The following KIAA1549L variants were observed in gnomAD, a reference collection of about 807,000 sequenced individuals.
The protein encoded by KIAA1549L is UPF0606 protein KIAA1549L.
In KIAA1549L, 88 loss-of-function variants were observed where a neutral mutation model predicts 160.7. The ratio of observed to expected loss-of-function variants is 0.55; its 90% CI spans 0.46 to 0.65. The LOEUF (loss-of-function observed/expected upper bound fraction) is 0.65. Ranked by LOEUF, KIAA1549L falls within the 30% of genes least tolerant of loss-of-function variation. KIAA1549L has a pLI of 0.00. For synonymous variants in KIAA1549L, 950 were observed against 976.7 expected (o/e 0.97, Z 0.51); for missense variants, 2,258 against 2,437.5 (o/e 0.93, Z 1.55).
intron 1 of KIAA1549L, among the ~76,000 whole-genome samples, chr11:33,395,306 C>A (rs969647662): frequency 1.3e-5 from 2 of 152,190 alleles, no homozygotes; most frequent in African/African-American, 4.8e-5. Flanking sequence ...TAATAGCTAA[C>A]ACTTAATGTT....
intron 20 of KIAA1549L, among the ~76,000 whole-genome samples, chr11:33,664,945 A>G (rs1232230240): frequency 2.6e-5 from 4 of 152,172 alleles, no homozygotes; most frequent in Admixed American, 2.0e-4. Context: ...AAACGGGTAG[A>G]TCAAACGGGA....
At position 33,529,546 on chromosome 11, in the gene KIAA1549L, A is replaced by G. The variant is rs78914936; in HGVS notation, c.239-12256A>G. On this transcript the variant is annotated intron_variant, in intron 1 of 20. Transcript: ENST00000658780. ...ACACATGTTATTATCCTCTTCTTAG[A>G]AAGGAGCAAACAGACACAGAGAGGT... Among the ~76,000 whole-genome samples, 646 of 152,268 alleles carry G rather than the reference A, an allele frequency of 4.2e-3. 9 individuals carry two copies. Among genetic ancestry groups the G allele is most frequent in the African/African-American group, 0.015 (613 of 41,552 alleles).
chr11:33,465,046 C>CTTTT lies in KIAA1549L; in HGVS notation c.239-76732_239-76729dup, dbSNP rs1008261470. ...CATTCAACTCGCATGGGACCTTCTT[C>CTTTT]TTTTTTTTTTTTTTTTTTTTTTTTT... On this transcript the variant is annotated intron_variant, in intron 1 of 20. Transcript: ENST00000658780. 1.4e-3 allele frequency among the ~76,000 whole-genome samples: 111 copies of CTTTT among 79,002 alleles called. 7 individuals are homozygous for CTTTT. Among genetic ancestry groups the CTTTT allele is most frequent in the African/African-American group, 2.3e-3 (45 of 19,330 alleles). 51.8% of individuals were successfully genotyped at this position (79,002 alleles called of 152,430 possible). A position where few individuals can be genotyped will look rare whatever the true frequency, so the allele number is the denominator to read the frequency against.
chr11:33,492,494 T>A (rs1852699574), intron 1 of KIAA1549L, among the ~76,000 whole-genome samples: 1 of 152,058 alleles, frequency 6.6e-6, no homozygotes, highest in Admixed American at 6.6e-5. Flanking sequence ...TATGGCAGGA[T>A]TTAGAGAGGT....
intron 1 of KIAA1549L, among the ~76,000 whole-genome samples, chr11:33,461,840 T>A (rs1240145810): frequency 6.6e-6 from 1 of 152,190 alleles, no homozygotes; most frequent in Admixed American, 6.5e-5. Context: ...ATAGCTTGTC[T>A]AGGATCACCC....
intron 1 of KIAA1549L, among the ~76,000 whole-genome samples, chr11:33,494,736 C>T (rs977661194): frequency 6.6e-6 from 1 of 152,150 alleles, no homozygotes; most frequent in Admixed American, 6.5e-5. Context: ...TGTTGCAAAT[C>T]CGGAAAAGAG....
chr11:33,587,585 C>T (rs1849920210), intron 11 of KIAA1549L, among the ~76,000 whole-genome samples: 1 of 152,208 alleles, frequency 6.6e-6, no homozygotes, highest in Non-Finnish European at 1.5e-5. Context: ...AAGTACCAAA[C>T]ATACACAGGG....
intron 1 of KIAA1549L, among the ~76,000 whole-genome samples, chr11:33,441,929 A>C (rs1416000672): frequency 1.3e-5 from 2 of 152,046 alleles, no homozygotes; most frequent in Non-Finnish European, 2.9e-5. Flanking sequence ...ATTTAATTAG[A>C]TCCCGTTTGT....
Position 33,609,832 on chromosome 11 carries a change from C to G in KIAA1549L, c.5145C>G (p.Tyr1715Ter). 1 of 1,613,784 alleles carries G rather than the reference C, an allele frequency of 6.2e-7. No homozygotes were observed. ...TCAAAGCCAAGAGGAAGGGATATTA[C>G]GACTTCCCTGCAGTGGAGACGAGCA... is the stretch of plus-strand genomic sequence containing the variant. The part of the protein sequence containing the change: ...LRLKAKRKGY[Y>*]DFPAVETSKG... The change falls in exon 15 of 21, where the codon TAC (tyrosine) becomes TAG (stop). Residue 1715 changes from tyrosine to a stop codon, truncating the protein, a stop_gained. Coordinates refer to ENST00000658780, the MANE Select transcript of KIAA1549L (RefSeq NM_012194.3). LOFTEE classifies it high-confidence loss of function.
At chr11:33,586,208 G>T (rs113968989) in intron 11 of KIAA1549L, among the ~76,000 whole-genome samples, 2 of 152,212 alleles carry the variant, frequency 1.3e-5, no homozygotes, top group Non-Finnish European at 2.9e-5. Flanking sequence ...TGGGGACATC[G>T]CTGCATCTTT....
At chr11:33,563,356 A>G (rs1854936258) in intron 8 of KIAA1549L, among the ~76,000 whole-genome samples, 1 of 151,500 alleles carries the variant, frequency 6.6e-6, no homozygotes, top group Non-Finnish European at 1.5e-5. Flanking sequence ...CTCAAAAAAA[A>G]AAAAAAAAAA....
At chr11:33,540,299 A>G (rs1468128760) in intron 1 of KIAA1549L, among the ~76,000 whole-genome samples, 4 of 152,250 alleles carry the variant, frequency 2.6e-5, no homozygotes, top group African/African-American at 7.2e-5. Flanking sequence ...AGTTGGACTC[A>G]TGGTTGAATC....
rs186760475 is a variant in KIAA1549L at position 33,564,674 on chromosome 11, T to C, written c.4078+2939T>C. Among the ~76,000 whole-genome samples the C allele has an allele frequency of 2.0e-5, 3 of 152,346 alleles. No homozygotes were observed. The East Asian group carries it at 5.8e-4, about 29-fold the overall frequency. ...TTTATTTCTCCCACCAGAGGCAAAATATCCCAGACCCAGCAATGGAAAAAT... is the reference window on the plus strand; with the variant it reads ...TTTATTTCTCCCACCAGAGGCAAAACATCCCAGACCCAGCAATGGAAAAAT... On this transcript the variant is annotated intron_variant, in intron 8 of 20. Transcript: ENST00000658780.
intron 3 of KIAA1549L, 106 bp downstream of exon 3, chr11:33,545,484 C>T: frequency 7.5e-7 from 1 of 1,330,688 alleles, no homozygotes; most frequent in South Asian, 1.5e-5. Flanking sequence ...CATTTTTCCA[C>T]CCTCCCCCAG....
At chr11:33,579,495 C>T (rs1364169326) in intron 10 of KIAA1549L, among the ~76,000 whole-genome samples, 4 of 152,154 alleles carry the variant, frequency 2.6e-5, no homozygotes, top group Non-Finnish European at 5.9e-5. Flanking sequence ...CTTCAAATCT[C>T]CTTTCTTCTT....
At chr11:33,635,602 C>T (rs552844695) in intron 16 of KIAA1549L, among the ~76,000 whole-genome samples, 3 of 152,258 alleles carry the variant, frequency 2.0e-5, no homozygotes, top group South Asian at 2.1e-4. Flanking sequence ...CACTTCGGGG[C>T]GCCTAACTCA....
intron 17 of KIAA1549L, among the ~76,000 whole-genome samples, chr11:33,654,908 G>T (rs968987691): frequency 6.6e-6 from 1 of 152,180 alleles, no homozygotes; most frequent in African/African-American, 2.4e-5. Flanking sequence ...GGAGGGAGAA[G>T]ACTTCATTAT....
At chr11:33,560,798 C>T (rs193247424) in intron 7 of KIAA1549L, among the ~76,000 whole-genome samples, 253 of 152,232 alleles carry the variant, frequency 1.7e-3, no homozygotes, top group African/African-American at 4.7e-3. Flanking sequence ...CAAGATAATA[C>T]GCGTGAATGT....
At chr11:33,556,393 A>G (rs1207781952) in intron 6 of KIAA1549L, among the ~76,000 whole-genome samples, 2 of 152,260 alleles carry the variant, frequency 1.3e-5, no homozygotes, top group Non-Finnish European at 2.9e-5. Context: ...AACAGCCAAA[A>G]GGTGGAAGCA....
Sources: allele counts gnomAD v4.1 joint callset (sites outside exome capture counted in the v4.1 genomes callset), GRCh38; gene constraint gnomAD v4.1.1; transcripts MANE v1.5; gene names NCBI Gene and HGNC (gene_info 2026-07-23, HGNC 2026-07-21).